The following HTR4 variants were observed in gnomAD, a reference collection of about 807,000 sequenced individuals.
The protein encoded by HTR4 is 5-hydroxytryptamine (serotonin) receptor 4, G protein-coupled.
Under a neutral mutation model 36.8 loss-of-function variants are expected in HTR4, and 16 were observed. The observed-to-expected ratio is 0.43, with a 90% confidence interval of 0.29 to 0.66. HTR4 has a LOEUF of 0.66. Ranked by LOEUF, HTR4 falls within the 30% of genes least tolerant of loss-of-function variation. The pLI is 0.13. For synonymous variants in HTR4, 189 were observed against 185.1 expected (o/e 1.02, Z -0.17); for missense variants, 438 against 490.9 (o/e 0.89, Z 1.02).
chr5:148,610,135 G>A (rs529192447), intron 2 of HTR4, among the ~76,000 whole-genome samples: 6 of 152,320 alleles, frequency 3.9e-5, no homozygotes, highest in African/African-American at 1.4e-4. Context: ...AAAAGAGTGA[G>A]TGGAGGCCTT....
chr5:148,468,842 T>C (rs1755498080), intron 5 of HTR4, among the ~76,000 whole-genome samples: 1 of 152,140 alleles, frequency 6.6e-6, no homozygotes, highest in African/African-American at 2.4e-5. Context: ...GTTACCCCCA[T>C]GCTGCTTTTC....
intron 5 of HTR4, among the ~76,000 whole-genome samples, chr5:148,468,019 A>T (rs377085938): frequency 6.6e-6 from 1 of 152,184 alleles, no homozygotes; most frequent in South Asian, 2.1e-4. Flanking sequence ...CAGTCTTCCC[A>T]TTCTTAAGTT....
intron 4 of HTR4, among the ~76,000 whole-genome samples, chr5:148,532,116 T>C (rs1442702837): frequency 6.6e-6 from 1 of 152,200 alleles, no homozygotes; most frequent in Non-Finnish European, 1.5e-5. Flanking sequence ...TGCTATAACA[T>C]GTCGTTATCT....
downstream of HTR4, among the ~76,000 whole-genome samples, chr5:148,473,301 CAAAA>C (rs35164649): frequency 1.5e-5 from 1 of 68,614 alleles, no homozygotes; most frequent in African/African-American, 4.0e-5. Flanking sequence ...GACTCCATCT[CAAAA>C]AAAAAAAAAA....
chr5:148,459,900 T>C (rs1228144002), intron 5 of HTR4, among the ~76,000 whole-genome samples: 1 of 152,060 alleles, frequency 6.6e-6, no homozygotes, highest in Non-Finnish European at 1.5e-5. Flanking sequence ...ATGGAAAAAG[T>C]AGATGACATG....
intron 2 of HTR4, among the ~76,000 whole-genome samples, chr5:148,565,319 A>G (rs1342246223): frequency 6.6e-6 from 1 of 152,106 alleles, no homozygotes; most frequent in East Asian, 1.9e-4. Flanking sequence ...TCATTATGAG[A>G]GCATGTTGTA....
intron 6 of HTR4, among the ~76,000 whole-genome samples, chr5:148,504,265 G>A (rs970986833): frequency 3.3e-5 from 5 of 152,124 alleles, no homozygotes; most frequent in African/African-American, 4.8e-5. Context: ...TTCAGCAAAC[G>A]TAAAAGAAAG....
intron 1 of HTR4, among the ~76,000 whole-genome samples, chr5:148,652,501 G>A (rs1421476030): frequency 6.6e-6 from 1 of 152,208 alleles, no homozygotes; most frequent in African/African-American, 2.4e-5. Flanking sequence ...AGGTCCAGAA[G>A]AGCAGGGTGA....
intron 4 of HTR4, among the ~76,000 whole-genome samples, chr5:148,540,234 G>A (rs1158210604): frequency 1.3e-5 from 2 of 151,460 alleles, no homozygotes; most frequent in African/African-American, 4.9e-5. Context: ...TGGAGGCTGG[G>A]AGGAGGGAGA....
chr5:148,557,230 A>G (rs1469512049), intron 2 of HTR4, among the ~76,000 whole-genome samples: 1 of 152,048 alleles, frequency 6.6e-6, no homozygotes, highest in African/African-American at 2.4e-5. Context: ...GTAAAAGAAG[A>G]TGGTAGTTAA....
Position 148,509,659 on chromosome 5 carries a change from C to G in HTR4, c.873G>C (p.Gly291=). Residue 291 remains glycine (G), a synonymous_variant, in exon 6 of 7, where the codon GGG becomes GGC. Coordinates refer to ENST00000377888, the MANE Select transcript of HTR4 (RefSeq NM_000870.7). ...VDPFIDYTVP[G]QVWTAFLWLG... is the part of the protein sequence containing the mutation. ...GCCAGAGGAAAGCAGTCCACACCTG[C>G]CCAGGGACAGTGTAGTCTATGAAAG... The G allele has an allele frequency of 6.2e-7, 1 of 1,614,082 alleles. No homozygotes were observed. Among genetic ancestry groups the G allele is most frequent in the Non-Finnish European group, 8.5e-7 (1 of 1,180,002 alleles).
intron 5 of HTR4, among the ~76,000 whole-genome samples, chr5:148,462,426 T>C (rs563495637): frequency 3.5e-4 from 53 of 152,028 alleles, no homozygotes; most frequent in African/African-American, 1.2e-3. Flanking sequence ...CTTGATGAAA[T>C]TGACCAATTC....
rs185429024 is a variant in HTR4, at chr5:148,628,156, C to T, written c.26+8833G>A. Among the ~76,000 whole-genome samples, 14 of 152,316 alleles carry T rather than the reference C, an allele frequency of 9.2e-5. No homozygotes were observed. The East Asian group carries it at 2.3e-3, about 25-fold the overall frequency. ...ATCTGCTAGGCCTTCAGTTTGAGAA[C>T]CCAAGTCTAAAATATCAAATGATAG... On this transcript the variant is annotated intron_variant, in intron 2 of 6. Coordinates refer to ENST00000377888, the MANE Select transcript of HTR4 (RefSeq NM_000870.7).
intron 6 of HTR4, among the ~76,000 whole-genome samples, chr5:148,507,767 C>A (rs1246893607): frequency 1.3e-5 from 2 of 152,118 alleles, no homozygotes; most frequent in African/African-American, 4.8e-5. Context: ...ATGAAAAAAA[C>A]CATCAACTGC....
intron 1 of HTR4, among the ~76,000 whole-genome samples, chr5:148,638,389 C>G (rs151215241): frequency 2.0e-5 from 3 of 152,182 alleles, no homozygotes; most frequent in African/African-American, 2.4e-5. Flanking sequence ...GTACAAAGCC[C>G]TAACTATCGA....
At chr5:148,643,049 T>C (rs1032214795) in intron 1 of HTR4, among the ~76,000 whole-genome samples, 12 of 152,176 alleles carry the variant, frequency 7.9e-5, no homozygotes, top group Non-Finnish European at 1.3e-4. Context: ...TTTAGAAAGA[T>C]TTAGTCCTAA....
At chr5:148,613,529 C>T (rs1207101505) in intron 2 of HTR4, among the ~76,000 whole-genome samples, 41 of 150,910 alleles carry the variant, frequency 2.7e-4, no homozygotes, top group Non-Finnish European at 4.9e-4. Context: ...TGGGATGTAT[C>T]TCAAAATAAT....
chr5:148,643,128 T>C (rs1403799298), intron 1 of HTR4, among the ~76,000 whole-genome samples: 2 of 152,196 alleles, frequency 1.3e-5, no homozygotes, highest in African/African-American at 4.8e-5. Flanking sequence ...CCATTATAAT[T>C]GAAATACACC....
chr5:148,506,891 T>G (rs947476938), intron 6 of HTR4, among the ~76,000 whole-genome samples: 1 of 152,116 alleles, frequency 6.6e-6, no homozygotes, highest in Non-Finnish European at 1.5e-5. Context: ...CTGGAGAGGA[T>G]GTGGAGAAAT....
Sources: allele counts gnomAD v4.1 joint callset (sites outside exome capture counted in the v4.1 genomes callset), GRCh38; gene constraint gnomAD v4.1.1; transcripts MANE v1.5; gene names NCBI Gene and HGNC (gene_info 2026-07-23, HGNC 2026-07-21).